CDS2: variants seen among roughly 807,000 people sequenced by gnomAD.
CDS2 encodes phosphatidate cytidylyltransferase 2.
In CDS2, 47 loss-of-function variants were observed where a neutral mutation model predicts 59.0. That is an observed-to-expected ratio of 0.80 (90% CI 0.63 to 1.02). The LOEUF is 1.02. Among genes scored for constraint, CDS2 ranks in the 50% least tolerant of loss-of-function variants. CDS2 has a pLI of 0.00. For missense variants in CDS2, 356 were observed against 558.9 expected (o/e 0.64, Z 3.66); for synonymous variants, 207 against 206.4 (o/e 1.00, Z -0.02).
In CDS2 at chr20:5,175,164, C is replaced by T. The variant is rs373844785; in HGVS notation, c.195-19C>T. ...GGCTCCTAACTGGTGTTTTCTCCTT[C>T]CCCTGCTCTCTGACCTAGATGGAAG... On this transcript the variant is annotated intron_variant, in intron 2 of 12. Transcript: ENST00000460006. The T allele has an allele frequency of 2.7e-5, 43 of 1,594,810 alleles. No individual in the cohort carries two copies. The highest frequency in any genetic ancestry group is 3.5e-5 in the Non-Finnish European group (41 of 1,162,566).
intron 1 of CDS2, among the ~76,000 whole-genome samples, chr20:5,166,202 A>G (rs765916981): frequency 3.1e-4 from 47 of 152,214 alleles, no homozygotes; most frequent in Non-Finnish European, 5.7e-4. Flanking sequence ...GACAGGTGGC[A>G]TAAGGAGTGG....
intron 1 of CDS2, among the ~76,000 whole-genome samples, chr20:5,138,611 A>G (rs1270519031): frequency 6.6e-6 from 1 of 151,126 alleles, no homozygotes; most frequent in Non-Finnish European, 1.5e-5. Context: ...TCAGCCTCCC[A>G]AGTAACTGGG....
intron 1 of CDS2, among the ~76,000 whole-genome samples, chr20:5,144,378 A>G (rs897187173): frequency 3.3e-5 from 5 of 152,092 alleles, no homozygotes; most frequent in African/African-American, 1.2e-4. Flanking sequence ...TTTGGGTGAT[A>G]TATTATATGG....
At chr20:5,146,678 A>G (rs2090746303) in intron 1 of CDS2, among the ~76,000 whole-genome samples, 1 of 152,216 alleles carries the variant, frequency 6.6e-6, no homozygotes, top group Admixed American at 6.5e-5. Flanking sequence ...CTTTGCGTTT[A>G]TAACCTGTTT....
rs533913248 is a variant in CDS2 at position 5,148,771 on chromosome 20, C to T, written c.57+21622C>T. ...CTTGTGATTTTGGGAGCGTAAAAGCCGCCTGAGCTTTGTTTTCTCACAGGG... is the reference window on the plus strand; with the variant it reads ...CTTGTGATTTTGGGAGCGTAAAAGCTGCCTGAGCTTTGTTTTCTCACAGGG... On this transcript the variant is annotated intron_variant, in intron 1 of 12. Coordinates refer to ENST00000460006, the MANE Select transcript of CDS2 (RefSeq NM_003818.4). Among the ~76,000 whole-genome samples, 14 of 152,280 alleles carry T rather than the reference C, an allele frequency of 9.2e-5. No individual in the cohort carries two copies. In the East Asian group the frequency reaches 1.4e-3, roughly 15 times the overall value.
chr20:5,186,937 T>C (rs759421664), intron 10 of CDS2, 98 bp downstream of exon 10: 4 of 1,366,748 alleles, frequency 2.9e-6, no homozygotes, highest in Non-Finnish European at 4.1e-6. Flanking sequence ...GCTAGCTTCC[T>C]CCTTCCCAAA....
chr20:5,182,326 G>C, intron 5 of CDS2, 61 bp from the exon 6 acceptor site: 3 of 1,460,486 alleles, frequency 2.1e-6, no homozygotes, highest in Non-Finnish European at 2.8e-6. Flanking sequence ...ATAGCTAAAG[G>C]AGGGCAAAGA....
At chr20:5,156,772 C>T (rs2090836707) in intron 1 of CDS2, among the ~76,000 whole-genome samples, 1 of 152,194 alleles carries the variant, frequency 6.6e-6, no homozygotes, top group Non-Finnish European at 1.5e-5. Context: ...GGCTCCCCCT[C>T]ATGTTGGCTT....
intron 5 of CDS2, among the ~76,000 whole-genome samples, chr20:5,181,895 A>G (rs1006309582): frequency 1.3e-5 from 2 of 152,206 alleles, no homozygotes; most frequent in South Asian, 2.1e-4. Flanking sequence ...ATTATAATCT[A>G]TGGGTATTAT....
At chr20:5,135,203 A>G (rs1322833507) in intron 1 of CDS2, among the ~76,000 whole-genome samples, 1 of 152,176 alleles carries the variant, frequency 6.6e-6, no homozygotes, top group Non-Finnish European at 1.5e-5. Flanking sequence ...AAGGGCTGGT[A>G]CAGCGTGAGC....
chr20:5,170,456 C>T lies in CDS2; in HGVS notation c.58-3067C>T, dbSNP rs1400353256. ...GGGGAGGAGCTGGAAGACTGCAGGC[C>T]TCCAGGTTCTTTCTCTCAGGTTTCT... On this transcript the variant is annotated intron_variant, in intron 1 of 12. Transcript: ENST00000460006. 2.0e-5 allele frequency among the ~76,000 whole-genome samples: 3 copies of T among 147,324 alleles called. No individual in the cohort carries two copies. The East Asian group carries it at 5.9e-4, about 29-fold the overall frequency.
rs950157466 is a variant in CDS2, at chr20:5,196,000, G to A, written c.*5766G>A. ...AAGGGGAGGCTGCCTCACTTTGAAGGAATGGTGTTGGCTAACAGGATCCAT... is the reference window on the plus strand; with the variant it reads ...AAGGGGAGGCTGCCTCACTTTGAAGAAATGGTGTTGGCTAACAGGATCCAT... On this transcript the variant is annotated 3_prime_UTR_variant, in exon 13 of 13. Coordinates refer to ENST00000460006, the MANE Select transcript of CDS2 (RefSeq NM_003818.4). 2 of 152,192 alleles carry A rather than the reference G, an allele frequency of 1.3e-5. No homozygotes were observed. Among genetic ancestry groups the A allele is most frequent in the Non-Finnish European group, 2.9e-5 (2 of 68,052 alleles). 9.4% of individuals were successfully genotyped at this position (152,192 alleles called of 1,614,324 possible).
chr20:5,175,460 G>T, intron 3 of CDS2, 181 bp downstream of exon 3: 1 of 556,154 alleles, frequency 1.8e-6, no homozygotes, highest in Non-Finnish European at 3.2e-6. Context: ...AGGGTCATTG[G>T]TGTAGGCTGG....
chr20:5,177,158 C>A (rs2091000706), intron 4 of CDS2, among the ~76,000 whole-genome samples: 1 of 152,072 alleles, frequency 6.6e-6, no homozygotes, highest in African/African-American at 2.4e-5. Flanking sequence ...TATTTGGATT[C>A]CTTAAACTCT....
chr20:5,142,564 T>A (rs1358467726), intron 1 of CDS2, among the ~76,000 whole-genome samples: 3 of 151,766 alleles, frequency 2.0e-5, no homozygotes, highest in Non-Finnish European at 4.4e-5. Flanking sequence ...ATTGGATATT[T>A]AAAATAAAGG....
chr20:5,150,409 C>T (rs193172943), intron 1 of CDS2, among the ~76,000 whole-genome samples: 1 of 152,366 alleles, frequency 6.6e-6, no homozygotes, highest in East Asian at 1.9e-4. Flanking sequence ...CGTTACGATT[C>T]TGCCTTCCTA....
At chr20:5,145,236 A>AG (rs2090731130) in intron 1 of CDS2, among the ~76,000 whole-genome samples, 1 of 51,970 alleles carries the variant, frequency 1.9e-5, no homozygotes, top group Non-Finnish European at 3.8e-5. Context: ...GAAAGGAAAG[A>AG]CCCCCCCCCC....
intron 12 of CDS2, 22 bp downstream of exon 12, chr20:5,189,860 A>G: frequency 1.3e-6 from 2 of 1,572,256 alleles, no homozygotes; most frequent in Non-Finnish European, 1.7e-6. Flanking sequence ...TTCCATCTGA[A>G]CCAAGTTGGT....
At position 5,190,375 on chromosome 20, in the gene CDS2, TG is replaced by T; in HGVS notation, c.*142del. On this transcript the variant is annotated 3_prime_UTR_variant, in exon 13 of 13. Transcript: ENST00000460006. Reference sequence around the variant, plus strand: ...TTTTTTTTGGAGGGTATTTTTTATTTGTGGGTTCAAAAAATCTGTATATACA... The same window carrying T: ...TTTTTTTTGGAGGGTATTTTTTATTTTGGGTTCAAAAAATCTGTATATACA... 2.5e-6 allele frequency: 2 copies of T among 800,706 alleles called. No individual in the cohort carries two copies. The highest frequency in any genetic ancestry group is 3.8e-6 in the Non-Finnish European group (2 of 524,238). 49.6% of individuals were successfully genotyped at this position (800,706 alleles called of 1,614,324 possible). A position where few individuals can be genotyped will look rare whatever the true frequency, so the allele number is the denominator to read the frequency against.
Sources: allele counts gnomAD v4.1 joint callset (sites outside exome capture counted in the v4.1 genomes callset), GRCh38; gene constraint gnomAD v4.1.1; transcripts MANE v1.5; gene names NCBI Gene and HGNC (gene_info 2026-07-23, HGNC 2026-07-21).